The following ITGA8 variants were observed in gnomAD, a reference collection of about 807,000 sequenced individuals.
The protein encoded by ITGA8 is integrin subunit alpha 8.
Under a neutral mutation model 142.3 loss-of-function variants are expected in ITGA8, and 91 were observed. The ratio of observed to expected loss-of-function variants is 0.64; its 90% confidence interval spans 0.54 to 0.76. The LOEUF is 0.76. Among genes scored for constraint, ITGA8 ranks in the 30% least tolerant of loss-of-function variants. ITGA8 has a pLI of 0.00. For synonymous variants in ITGA8, 505 were observed against 485.2 expected (o/e 1.04, Z -0.54); for missense variants, 1,406 against 1,327.7 (o/e 1.06, Z -0.92).
At chr10:15,543,410 A>C (rs1833609925) in intron 27 of ITGA8, among the ~76,000 whole-genome samples, 1 of 152,212 alleles carries the variant, frequency 6.6e-6, no homozygotes, top group South Asian at 2.1e-4. Flanking sequence ...CACTTTTGCC[A>C]ATATTTACCC....
chr10:15,601,049 A>G (rs987761446), intron 20 of ITGA8, among the ~76,000 whole-genome samples: 12 of 152,208 alleles, frequency 7.9e-5, no homozygotes, highest in African/African-American at 2.6e-4. Context: ...AGACCAGTCT[A>G]GCCAATATGG....
At chr10:15,619,631 T>A (rs2131622208) in intron 13 of ITGA8, among the ~76,000 whole-genome samples, 2 of 152,386 alleles carry the variant, frequency 1.3e-5, no homozygotes, top group East Asian at 3.9e-4. Context: ...TGATAAATTC[T>A]ATCAGAATTT....
At chr10:15,713,443 C>T (rs1457289214) in intron 2 of ITGA8, among the ~76,000 whole-genome samples, 3 of 152,136 alleles carry the variant, frequency 2.0e-5, no homozygotes, top group Non-Finnish European at 4.4e-5. Flanking sequence ...TGTAATCTTC[C>T]AAGTGAACGT....
intron 2 of ITGA8, among the ~76,000 whole-genome samples, chr10:15,688,252 C>T (rs1834868479): frequency 7.9e-6 from 1 of 125,836 alleles, no homozygotes; most frequent in Admixed American, 9.6e-5. Flanking sequence ...AACAGAAGTT[C>T]AATATCAGCC....
At chr10:15,583,848 C>A (rs1045463600) in intron 23 of ITGA8, among the ~76,000 whole-genome samples, 2 of 152,022 alleles carry the variant, frequency 1.3e-5, no homozygotes, top group African/African-American at 4.8e-5. Context: ...ATTTACATTC[C>A]AATAAATCTG....
rs781419023 is a variant in ITGA8 at position 15,605,798 on chromosome 10, T to G, written c.1903-7A>C. The G allele has an allele frequency of 2.5e-6, 4 of 1,612,864 alleles. No homozygotes were observed. The highest frequency in any genetic ancestry group is 3.4e-6 in the Non-Finnish European group (4 of 1,178,980). ...AGTCCACCAGAATGTGAGCCTGTGT[T>G]GTATAAACGCACGTCAGGAACAATC... On this transcript the variant is annotated splice_polypyrimidine_tract_variant and splice_region_variant and intron_variant, in intron 18 of 29. Coordinates refer to ENST00000378076, the MANE Select transcript of ITGA8 (RefSeq NM_003638.3).
chr10:15,528,150 A>C (rs1044238306), intron 28 of ITGA8, among the ~76,000 whole-genome samples: 1 of 151,962 alleles, frequency 6.6e-6, no homozygotes, highest in African/African-American at 2.4e-5. Flanking sequence ...TGCCTAGGCT[A>C]ATCTCAAACT....
chr10:15,546,118 C>G (rs960306928), intron 27 of ITGA8, among the ~76,000 whole-genome samples: 2 of 152,164 alleles, frequency 1.3e-5, no homozygotes, highest in African/African-American at 2.4e-5. Context: ...ATGGCACCTC[C>G]TCCTAGGCCT....
intron 27 of ITGA8, among the ~76,000 whole-genome samples, chr10:15,539,737 C>A (rs141360852): frequency 2.2e-4 from 33 of 152,218 alleles, no homozygotes; most frequent in African/African-American, 7.2e-4. Context: ...GTGTAATGAT[C>A]AACTCAGGGC....
intron 26 of ITGA8, among the ~76,000 whole-genome samples, chr10:15,554,288 G>C (rs1833845504): frequency 6.6e-6 from 1 of 152,076 alleles, no homozygotes; most frequent in African/African-American, 2.4e-5. Context: ...CTCCGACCGG[G>C]ACCCCCTGAT....
intron 25 of ITGA8, among the ~76,000 whole-genome samples, chr10:15,570,060 G>C (rs1288823026): frequency 6.6e-6 from 1 of 152,056 alleles, no homozygotes; most frequent in Non-Finnish European, 1.5e-5. Context: ...ACTCTCTGGA[G>C]CATTTATTAA....
chr10:15,674,067 A>G (rs2131689670), intron 6 of ITGA8, among the ~76,000 whole-genome samples: 1 of 152,328 alleles, frequency 6.6e-6, no homozygotes, highest in Admixed American at 6.5e-5. Context: ...CAAAATTCCC[A>G]CAGTCTTTCT....
chr10:15,711,316 C>G (rs1292919457), intron 2 of ITGA8, among the ~76,000 whole-genome samples: 3 of 152,150 alleles, frequency 2.0e-5, no homozygotes, highest in Non-Finnish European at 4.4e-5. Context: ...CTATGCTTCT[C>G]AGGGATCTTT....
At chr10:15,715,243 C>T (rs1015450319) in intron 2 of ITGA8, among the ~76,000 whole-genome samples, 13 of 152,088 alleles carry the variant, frequency 8.5e-5, no homozygotes, top group Non-Finnish European at 1.5e-4. Context: ...AAGACAAACC[C>T]TGCTTCTACA....
chr10:15,515,436 A>G lies in ITGA8; in HGVS notation c.*1722T>C, dbSNP rs1175227155. 3 of 152,240 alleles carry G rather than the reference A, an allele frequency of 2.0e-5. No homozygotes were observed. Among genetic ancestry groups the G allele is most frequent in the Non-Finnish European group, 4.4e-5 (3 of 68,042 alleles). 9.4% of individuals were successfully genotyped at this position (152,240 alleles called of 1,614,324 possible). A position where few individuals can be genotyped will look rare whatever the true frequency, so the allele number is the denominator to read the frequency against. On this transcript the variant is annotated 3_prime_UTR_variant, in exon 30 of 30. Transcript: ENST00000378076. ...TCAATGAAGTTCCGCAGCTGTAGCCAAATGGCTCCTCTCCAGCTTATGGCA... is the reference window on the plus strand; with the variant it reads ...TCAATGAAGTTCCGCAGCTGTAGCCGAATGGCTCCTCTCCAGCTTATGGCA...
intron 13 of ITGA8, among the ~76,000 whole-genome samples, chr10:15,636,799 C>G (rs553243112): frequency 6.6e-6 from 1 of 152,174 alleles, no homozygotes; most frequent in African/African-American, 2.4e-5. Context: ...GGCTAAGGGG[C>G]AGCGAGGGAG....
rs539654064 is a variant in ITGA8, at chr10:15,677,598, A to G, written c.670T>C (p.Trp224Arg). 1.5e-5 allele frequency: 24 copies of G among 1,613,560 alleles called. No homozygotes were observed. In the Admixed American group the frequency reaches 1.5e-4, roughly 10 times the overall value. The change falls in exon 6 of 30, where the codon TGG becomes CGG. Residue 224 changes from tryptophan to arginine, a missense_variant. Physicochemically the swap from Trp to Arg is moderately radical, Grantham distance 101. Coordinates refer to ENST00000378076, the MANE Select transcript of ITGA8 (RefSeq NM_003638.3). ...GTCTGCCAACAGAACATACCTTGCC[A>G]GTAGAAACTCCCAGGTCCTCCCACA... Reference protein sequence around the residue: ...LIVGGPGSFYWQGQVITASVA... With the variant: ...LIVGGPGSFYRQGQVITASVA...
At chr10:15,609,437 T>G (rs895433481) in intron 15 of ITGA8, among the ~76,000 whole-genome samples, 2 of 152,172 alleles carry the variant, frequency 1.3e-5, no homozygotes, top group African/African-American at 4.8e-5. Context: ...TCAAATATAA[T>G]GAAAAAGTGT....
intron 2 of ITGA8, among the ~76,000 whole-genome samples, chr10:15,693,987 C>T (rs1005716476): frequency 1.6e-4 from 24 of 151,212 alleles, no homozygotes; most frequent in Non-Finnish European, 4.4e-5. Context: ...CCCCCTTAAG[C>T]TGGGATGTTG....
Sources: allele counts gnomAD v4.1 joint callset (sites outside exome capture counted in the v4.1 genomes callset), GRCh38; gene constraint gnomAD v4.1.1; transcripts MANE v1.5; gene names NCBI Gene and HGNC (gene_info 2026-07-23, HGNC 2026-07-21).